Variants in CBR4 observed in about 807,000 individuals in gnomAD.
CBR4 encodes the protein carbonyl reductase 4.
CBR4 carries 22 observed loss-of-function variants against 21.0 expected under a neutral mutation model. The observed-to-expected ratio is 1.05, with a 90% CI of 0.75 to 1.50. The LOEUF is 1.50. CBR4 is among the 40% of genes most tolerant of loss of function. The probability of loss-of-function intolerance (pLI) is 0.00; values close to 1 mark genes in which losing one functional copy is unlikely to be tolerated. For synonymous variants in CBR4, 100 were observed against 104.4 expected, an observed-to-expected ratio of 0.96 and a Z score of 0.26; for missense variants, 302 against 286.3, an observed-to-expected ratio of 1.05 and a Z score of -0.40.
chr4:168,981,157 T>C (rs944391917), intron 2 of CBR4, among the ~76,000 whole-genome samples: 1 of 152,142 alleles, frequency 6.6e-6, no homozygotes, highest in Non-Finnish European at 1.5e-5. Flanking sequence ...CCCAGCACTT[T>C]GGGAGGCCGA....
intron 2 of CBR4, among the ~76,000 whole-genome samples, chr4:168,913,272 G>A (rs1456618315): frequency 6.6e-6 from 1 of 151,874 alleles, no homozygotes; most frequent in African/African-American, 2.4e-5. Context: ...AAGTAGCTGG[G>A]ACTATAGGTG....
At chr4:169,003,408 G>C (rs1212029730) in intron 3 of CBR4, among the ~76,000 whole-genome samples, 2 of 152,154 alleles carry the variant, frequency 1.3e-5, no homozygotes, top group African/African-American at 4.8e-5. Flanking sequence ...AAAACAAATG[G>C]GTGAGGAGTT....
At chr4:169,001,776 C>T in intron 4 of CBR4, 1 of 176,974 alleles carries the variant, frequency 5.7e-6, no homozygotes, top group Admixed American at 6.3e-5. Flanking sequence ...AGAAGCTGAG[C>T]AGATGTTGGT....
At chr4:169,004,287 T>C (rs192053602) in intron 3 of CBR4, among the ~76,000 whole-genome samples, 7 of 152,270 alleles carry the variant, frequency 4.6e-5, no homozygotes, top group Admixed American at 2.6e-4. Context: ...TTTTTAGATA[T>C]AATGCTACTG....
chr4:168,988,436 C>CAT lies in CBR4; in HGVS notation c.*1712_*1713dup. 1.0e-6 allele frequency: 1 copy of CAT among 985,422 alleles called. No individual in the cohort carries two copies. The highest frequency in any genetic ancestry group is 1.2e-6 in the Non-Finnish European group (1 of 829,930). The allele number at this position is 985,422 out of a possible 1,614,324, so 61.0% of individuals were successfully genotyped here. ...ATCAGCCTCGCTCATGATTTCAGAG[C>CAT]ATAAGGTGTCCAGAGAAGAAAACTC... On this transcript the variant is annotated 3_prime_UTR_variant, in exon 5 of 5. Coordinates refer to ENST00000306193, the MANE Select transcript of CBR4 (RefSeq NM_032783.5).
chr4:168,912,863 C>T (rs571461153), intron 2 of CBR4, among the ~76,000 whole-genome samples: 2 of 152,298 alleles, frequency 1.3e-5, no homozygotes, highest in African/African-American at 4.8e-5. Context: ...TTCTGGCTAT[C>T]TCCCCGACCC....
intron 2 of CBR4, among the ~76,000 whole-genome samples, chr4:168,909,805 T>G (rs1351504425): frequency 1.3e-5 from 2 of 152,188 alleles, no homozygotes; most frequent in African/African-American, 2.4e-5. Context: ...CTTAAAAACC[T>G]GAATTTTCTA....
chr4:168,995,749 C>T (rs1765164624), intron 4 of CBR4, among the ~76,000 whole-genome samples: 1 of 152,170 alleles, frequency 6.6e-6, no homozygotes, highest in Non-Finnish European at 1.5e-5. Flanking sequence ...AATAATGCTA[C>T]TGCATCTCCT....
rs565925888 is a variant in CBR4 at position 169,007,605 on chromosome 4, T to C, written c.263+31A>G. ...TAGGAATAAAAGTTTTAAATATATA[T>C]ATAAGAAACTTATTTAAATCTGTGA... On this transcript the variant is annotated intron_variant, in intron 2 of 4. Transcript: ENST00000306193. The C allele has an allele frequency of 8.7e-6, 12 of 1,380,322 alleles. No homozygotes were observed. The African/African-American group carries it at 1.1e-4, about 12-fold the overall frequency. The allele number at this position is 1,380,322 out of a possible 1,614,324, so 85.5% of individuals were successfully genotyped here.
chr4:168,901,860 AAAAAG>A (rs1181301004), intron 2 of CBR4, among the ~76,000 whole-genome samples: 2 of 152,206 alleles, frequency 1.3e-5, no homozygotes, highest in African/African-American at 4.8e-5. Context: ...ACTCATCTAA[AAAAAG>A]AAAGTCAACT....
At chr4:168,898,217 G>A (rs1755671727) in intron 2 of CBR4, 1 of 473,968 alleles carries the variant, frequency 2.1e-6, no homozygotes, top group African/African-American at 2.0e-5. Context: ...CCTTCCCCTT[G>A]TTTCCCCTCG....
chr4:168,998,963 A>C (rs1454995745), intron 4 of CBR4, among the ~76,000 whole-genome samples: 2 of 152,070 alleles, frequency 1.3e-5, no homozygotes, highest in Non-Finnish European at 2.9e-5. Context: ...TGTACTTTTG[A>C]ATTTCGTACT....
At chr4:169,002,885 T>C (rs1051527323) in intron 3 of CBR4, among the ~76,000 whole-genome samples, 3 of 152,100 alleles carry the variant, frequency 2.0e-5, no homozygotes, top group Non-Finnish European at 4.4e-5. Context: ...TTTCATACCA[T>C]CTTAAATTTT....
At position 169,007,895 on chromosome 4, in the gene CBR4, C is replaced by T. The variant is rs140852211; in HGVS notation, c.143-139G>A. ...AGATTAAAAAAGTAATGTCATGAGG[C>T]CTGGCTTTCATAGAGTTGGTCTAAT... On this transcript the variant is annotated intron_variant, in intron 1 of 4. Coordinates refer to ENST00000306193, the MANE Select transcript of CBR4 (RefSeq NM_032783.5). The T allele has an allele frequency of 2.7e-5, 14 of 509,372 alleles. No individual in the cohort carries two copies. In the East Asian group the frequency reaches 5.1e-4, roughly 19 times the overall value. The allele number at this position is 509,372 out of a possible 1,614,324, so 31.6% of individuals were successfully genotyped here.
chr4:168,990,164 G>A lies in CBR4; in HGVS notation c.700C>T (p.Gln234Ter), dbSNP rs1431531720. The change falls in exon 5 of 5, where the codon CAA (glutamine) becomes TAA (stop). Residue 234 changes from glutamine to a stop codon, truncating the protein, a stop_gained. Transcript: ENST00000306193. LOFTEE classifies it high-confidence loss of function. ...GHVLVVDGGL[Q>*]LIL ...TAATCTGCAAATTACAAAATGAGTTGTAATCCCCCATCCACTACCAGAACA... is the reference window on the plus strand; with the variant it reads ...TAATCTGCAAATTACAAAATGAGTTATAATCCCCCATCCACTACCAGAACA... 9 of 1,599,070 alleles carry A rather than the reference G, an allele frequency of 5.6e-6. No individual in the cohort carries two copies. Among genetic ancestry groups the A allele is most frequent in the Non-Finnish European group, 7.7e-6 (9 of 1,173,408 alleles).
intron 3 of CBR4, among the ~76,000 whole-genome samples, chr4:169,003,221 T>C (rs933173548): frequency 6.6e-6 from 1 of 152,220 alleles, no homozygotes; most frequent in African/African-American, 2.4e-5. Flanking sequence ...GGATTCACCG[T>C]TCTATATGCC....
At chr4:168,924,180 C>A in intron 2 of CBR4, 2 of 1,342,598 alleles carry the variant, frequency 1.5e-6, no homozygotes, top group Non-Finnish European at 2.1e-6. Flanking sequence ...AAGCAATATT[C>A]CAAAAGCCTT....
intron 3 of CBR4, among the ~76,000 whole-genome samples, chr4:169,002,928 TG>T (rs1334791794): frequency 6.6e-6 from 1 of 152,158 alleles, no homozygotes. Flanking sequence ...TAATGATCTG[TG>T]ATCAGTGATT....
intron 4 of CBR4, among the ~76,000 whole-genome samples, chr4:169,001,011 G>A (rs1196884547): frequency 6.6e-6 from 1 of 151,888 alleles, no homozygotes; most frequent in Non-Finnish European, 1.5e-5. Flanking sequence ...TCTCAACAGG[G>A]TCTCGCTCTG....
Sources: gnomAD v4.1 joint callset for allele counts (sites outside exome capture counted in the v4.1 genomes callset) on GRCh38, gnomAD v4.1.1 for gene constraint, MANE v1.5 for transcripts, NCBI Gene and HGNC (gene_info 2026-07-23, HGNC 2026-07-21) for gene names.